The following FCRL2 variants were observed in gnomAD, a reference collection of about 807,000 sequenced individuals.
The protein encoded by FCRL2 is Fc receptor like 2.
In FCRL2, 48 loss-of-function variants were observed where a neutral mutation model predicts 59.8. That is an observed-to-expected ratio of 0.80 (90% confidence interval 0.64 to 1.02). The LOEUF (loss-of-function observed/expected upper bound fraction) is 1.02, where lower values mean the gene tolerates loss of function less well. Ranked by LOEUF, FCRL2 falls within the 50% of genes least tolerant of loss-of-function variation. The pLI, the probability that FCRL2 is intolerant of heterozygous loss-of-function variation, is 0.00. For missense variants in FCRL2, 658 were observed against 597.3 expected, an observed-to-expected ratio of 1.10 and a Z score of -1.06; for synonymous variants, 251 against 229.5, an observed-to-expected ratio of 1.09 and a Z score of -0.85.
chr1:157,764,230 G>T (rs1649328283), intron 7 of FCRL2, among the ~76,000 whole-genome samples: 1 of 149,610 alleles, frequency 6.7e-6, no homozygotes, highest in Admixed American at 6.6e-5. Flanking sequence ...AATAAATAAT[G>T]GTGAAAAAAA....
At chr1:157,773,582 G>C (rs575403997) in intron 2 of FCRL2, among the ~76,000 whole-genome samples, 147 of 152,318 alleles carry the variant, frequency 9.7e-4, no homozygotes, top group African/African-American at 3.4e-3. Context: ...GAACCCCAAA[G>C]AGTCATAATG....
In FCRL2 at chr1:157,746,622, G is replaced by T; in HGVS notation, c.*114C>A. Reference sequence around the variant, plus strand: ...AAAATGACAGGAGGTGCCTCCTGAGGCACGTTCTGGCTGTGGCAGGTGATA... The same window carrying T: ...AAAATGACAGGAGGTGCCTCCTGAGTCACGTTCTGGCTGTGGCAGGTGATA... On this transcript the variant is annotated 3_prime_UTR_variant, in exon 12 of 12. Transcript: ENST00000361516. 1 of 1,008,328 alleles carries T rather than the reference G, an allele frequency of 9.9e-7. No homozygotes were observed. The highest frequency in any genetic ancestry group is 1.5e-6 in the Non-Finnish European group (1 of 657,750). The allele number at this position is 1,008,328 out of a possible 1,614,324, so 62.5% of individuals were successfully genotyped here. A position where few individuals can be genotyped will look rare whatever the true frequency, so the allele number is the denominator to read the frequency against.
chr1:157,767,654 A>C (rs752169037), intron 5 of FCRL2, 145 bp from the exon 6 acceptor site: 2 of 1,603,970 alleles, frequency 1.2e-6, no homozygotes, highest in Non-Finnish European at 1.7e-6. Flanking sequence ...ACAGTTAGAG[A>C]TAATTTTCTC....
intron 7 of FCRL2, among the ~76,000 whole-genome samples, chr1:157,753,835 A>G (rs1648382310): frequency 6.6e-6 from 1 of 152,174 alleles, no homozygotes; most frequent in Non-Finnish European, 1.5e-5. Context: ...TTAGCATACC[A>G]AAGACACTCA....
At position 157,748,891 on chromosome 1, in the gene FCRL2, C is replaced by A. The variant is rs775543810; in HGVS notation, c.1377G>T (p.Gln459His). ...SSPTPDMEEL[Q>H]PVYVNVGSVD... ...GACACTCACCATTGACATACACTGG[C>A]TGCAGCTCCTCCATGTCTGGGGTTG... The change falls in exon 9 of 12, where the codon CAG (glutamine) becomes CAT (histidine). Residue 459 changes from glutamine to histidine, a missense_variant. By Grantham distance (24) the Gln-to-His change is conservative. Transcript: ENST00000361516. 2 of 1,613,820 alleles carry A rather than the reference C, an allele frequency of 1.2e-6. No homozygotes were observed. Among genetic ancestry groups the A allele is most frequent in the Non-Finnish European group, 8.5e-7 (1 of 1,179,868 alleles).
rs960302663 is a variant in FCRL2, at chr1:157,745,767, A to T, written c.*969T>A. On this transcript the variant is annotated 3_prime_UTR_variant, in exon 12 of 12. Transcript: ENST00000361516. ...TTTACATTTTATTCTATATACTTAC[A>T]AAAGTAATATCATAGTTTATTGCAA... is the stretch of plus-strand genomic sequence containing the variant. The T allele has an allele frequency of 6.6e-6, 1 of 152,244 alleles. No homozygotes were observed. The highest frequency in any genetic ancestry group is 2.4e-5 in the African/African-American group (1 of 41,468). The allele number at this position is 152,244 out of a possible 1,614,324, so 9.4% of individuals were successfully genotyped here. A position where few individuals can be genotyped will look rare whatever the true frequency, so the allele number is the denominator to read the frequency against.
At chr1:157,754,652 T>C (rs1648451194) in intron 7 of FCRL2, among the ~76,000 whole-genome samples, 1 of 151,830 alleles carries the variant, frequency 6.6e-6, no homozygotes, top group African/African-American at 2.4e-5. Context: ...TAAGCATAAA[T>C]ATAAAGTGAT....
intron 7 of FCRL2, among the ~76,000 whole-genome samples, chr1:157,757,971 G>T (rs1648732733): frequency 6.6e-6 from 1 of 152,134 alleles, no homozygotes; most frequent in Non-Finnish European, 1.5e-5. Flanking sequence ...CGAAAAAAAA[G>T]AAAATTAGTT....
rs1647706083 is a variant in FCRL2, at chr1:157,745,887, CA to C, written c.*848del. 1 of 152,230 alleles carries C rather than the reference CA, an allele frequency of 6.6e-6. No homozygotes were observed. The highest frequency in any genetic ancestry group is 2.4e-5 in the African/African-American group (1 of 41,544). The allele number at this position is 152,230 out of a possible 1,614,324, so 9.4% of individuals were successfully genotyped here. A position where few individuals can be genotyped will look rare whatever the true frequency, so the allele number is the denominator to read the frequency against. On this transcript the variant is annotated 3_prime_UTR_variant, in exon 12 of 12. Transcript: ENST00000361516. ...TCAGTTCCAGACTACCAAAATAAAA[CA>C]AATGCTGCAATAAAGCAAGTCACAC...
intron 7 of FCRL2, among the ~76,000 whole-genome samples, chr1:157,753,252 C>A (rs1445839248): frequency 1.3e-5 from 2 of 152,180 alleles, no homozygotes; most frequent in Non-Finnish European, 2.9e-5. Flanking sequence ...AGAGTTAGTG[C>A]AGACCCCATA....
chr1:157,756,177 T>C (rs1008963869), intron 7 of FCRL2, among the ~76,000 whole-genome samples: 7 of 152,238 alleles, frequency 4.6e-5, no homozygotes, highest in African/African-American at 1.7e-4. Flanking sequence ...GTCCTTATAT[T>C]TCTATGCTGT....
chr1:157,766,943 C>T lies in FCRL2; in HGVS notation c.1191G>A (p.Met397Ile). ...ACAGTCCCCAGAGAACTCCAGCTGT[C>T]ATGAGGTCTCTTCTATAGCCATCAG... ...SGPDGYRRDL[M>I]TAGVLWGLFG... The change falls in exon 7 of 12, where the codon ATG becomes ATA. Residue 397 changes from methionine to isoleucine, a missense_variant. By Grantham distance (10) the Met-to-Ile change is conservative (BLOSUM62 1). Coordinates refer to ENST00000361516, the MANE Select transcript of FCRL2 (RefSeq NM_030764.4). The T allele has an allele frequency of 1.2e-6, 2 of 1,614,132 alleles. No individual in the cohort carries two copies. Among genetic ancestry groups the T allele is most frequent in the Non-Finnish European group, 1.7e-6 (2 of 1,180,008 alleles).
intron 1 of FCRL2, 148 bp downstream of exon 1, chr1:157,776,895 T>C: frequency 1.4e-6 from 1 of 737,544 alleles, no homozygotes; most frequent in Non-Finnish European, 2.4e-6. Flanking sequence ...TCAGCCTACT[T>C]CTTTGCATCT....
Position 157,768,665 on chromosome 1 carries a change from G to C in FCRL2, c.632C>G (p.Ala211Gly), listed in dbSNP as rs1236496020. The C allele has an allele frequency of 6.2e-7, 1 of 1,613,556 alleles. No homozygotes were observed. Among genetic ancestry groups the C allele is most frequent in the Non-Finnish European group, 8.5e-7 (1 of 1,179,748 alleles). ...TCCTTCAGTCACCTGTCCCCCGGGG[G>C]CCCGGATCTCCAAGCTTACATTAGA... ...PISNVSLEIRAPGGQVTEGQK... is the reference protein window; with the variant it reads ...PISNVSLEIRGPGGQVTEGQK... Residue 211 changes from alanine (A) to glycine (G), a missense_variant, in exon 5 of 12, where the codon GCC (alanine) becomes GGC (glycine). Ala to Gly is a moderately conservative substitution (Grantham distance 60). Transcript: ENST00000361516.
At chr1:157,753,655 A>T (rs1206944206) in intron 7 of FCRL2, among the ~76,000 whole-genome samples, 1 of 152,196 alleles carries the variant, frequency 6.6e-6, no homozygotes, top group East Asian at 1.9e-4. Flanking sequence ...GGTATGATTG[A>T]TTAAATCATT....
intron 2 of FCRL2, among the ~76,000 whole-genome samples, chr1:157,771,672 C>T (rs1413009044): frequency 3.9e-5 from 6 of 152,188 alleles, no homozygotes; most frequent in South Asian, 2.1e-4. Context: ...ATTTTGACCC[C>T]GTCACTTCAT....
Position 157,775,806 on chromosome 1 carries a change from AT to A in FCRL2, c.32-12del, listed in dbSNP as rs749906065. 9 of 1,613,884 alleles carry A rather than the reference AT, an allele frequency of 5.6e-6. No homozygotes were observed. In the African/African-American group the frequency reaches 8.0e-5, roughly 14 times the overall value. ...GTTCAGTGACTGCATCTGTGAGGAG[AT>A]CAAAAGCCAGAGATTAGCACACAGC... On this transcript the variant is annotated splice_polypyrimidine_tract_variant and intron_variant, in intron 1 of 11. Transcript: ENST00000361516.
Position 157,748,622 on chromosome 1 carries a change from C to G in FCRL2, c.1394-4G>C. The G allele has an allele frequency of 6.2e-7, 1 of 1,613,644 alleles. No homozygotes were observed. Among genetic ancestry groups the G allele is most frequent in the South Asian group, 1.1e-5 (1 of 91,048 alleles). On this transcript the variant is annotated splice_polypyrimidine_tract_variant and splice_region_variant and intron_variant, in intron 9 of 11. Coordinates refer to ENST00000361516, the MANE Select transcript of FCRL2 (RefSeq NM_030764.4). The stretch of plus-strand genomic sequence containing the variant: ...ACATCCACATCTACAGAGCCCACTG[C>G]AGGGAGAAGACAAGAGTTCACAGAT...
At chr1:157,767,781 C>G (rs1649640066) in intron 5 of FCRL2, 2 of 1,168,622 alleles carry the variant, frequency 1.7e-6, no homozygotes, top group East Asian at 5.4e-5. Flanking sequence ...CTTCATATTT[C>G]TTTTTTTTCT....
Sources: gnomAD v4.1 joint callset for allele counts (sites outside exome capture counted in the v4.1 genomes callset) on GRCh38, gnomAD v4.1.1 for gene constraint, MANE v1.5 for transcripts, NCBI Gene and HGNC (gene_info 2026-07-23, HGNC 2026-07-21) for gene names.